Variants in MYO16 observed in about 807,000 individuals in gnomAD.
MYO16 encodes the protein unconventional myosin-XVI.
In MYO16, 94 loss-of-function variants were observed where a neutral mutation model predicts 205.3. The ratio of observed to expected loss-of-function variants is 0.46; its 90% CI spans 0.39 to 0.54. The LOEUF (loss-of-function observed/expected upper bound fraction) is 0.54, where lower values mean the gene tolerates loss of function less well. Among genes scored for constraint, MYO16 ranks in the 20% least tolerant of loss-of-function variants. MYO16 has a pLI of 0.00. For synonymous variants in MYO16, 988 were observed against 954.0 expected (o/e 1.04, Z -0.66); for missense variants, 2,315 against 2,387.5 (o/e 0.97, Z 0.63).
intron 7 of MYO16, among the ~76,000 whole-genome samples, chr13:108,807,007 T>C (rs1048487008): frequency 1.3e-5 from 2 of 152,210 alleles, no homozygotes; most frequent in African/African-American, 4.8e-5. Flanking sequence ...TATCTGAATA[T>C]TGTAGTCAAG....
At chr13:109,079,629 G>A (rs544930071) in intron 27 of MYO16, among the ~76,000 whole-genome samples, 2 of 152,060 alleles carry the variant, frequency 1.3e-5, no homozygotes, top group East Asian at 3.9e-4. Context: ...GGGCATGAGT[G>A]GAAAAACTAC....
At chr13:108,864,359 T>G (rs1445112917) in intron 11 of MYO16, among the ~76,000 whole-genome samples, 1 of 152,216 alleles carries the variant, frequency 6.6e-6, no homozygotes, top group Non-Finnish European at 1.5e-5. Context: ...ATTTGCATTT[T>G]AATTCCTTTT....
chr13:108,933,497 ATG>A (rs34277540), intron 16 of MYO16, among the ~76,000 whole-genome samples: 4,776 of 149,336 alleles, frequency 0.032, 226 homozygotes, highest in African/African-American at 0.11. Flanking sequence ...GATTATTTGG[ATG>A]TGTGTGTGTG....
intron 2 of MYO16, among the ~76,000 whole-genome samples, chr13:108,708,960 A>G (rs546149457): frequency 1.3e-5 from 2 of 152,280 alleles, no homozygotes; most frequent in East Asian, 1.9e-4. Flanking sequence ...AATTTGGAGA[A>G]TGAATGTTTC....
intron 23 of MYO16, among the ~76,000 whole-genome samples, chr13:109,039,734 A>T (rs1886823366): frequency 6.6e-6 from 1 of 152,184 alleles, no homozygotes. Context: ...CTAAATGCGT[A>T]CGTTAGAAAA....
chr13:108,669,029 C>A (rs895243878), intron 2 of MYO16, among the ~76,000 whole-genome samples: 1 of 151,792 alleles, frequency 6.6e-6, no homozygotes, highest in Non-Finnish European at 1.5e-5. Context: ...TGGCTGGAGA[C>A]GTAAATTGAA....
intron 1 of MYO16, among the ~76,000 whole-genome samples, chr13:108,641,982 A>T (rs530288952): frequency 6.6e-6 from 1 of 152,232 alleles, no homozygotes; most frequent in South Asian, 2.1e-4. Context: ...ACTGCTACTT[A>T]TGGGACCACA....
chr13:109,034,545 G>A (rs112530471), intron 23 of MYO16, among the ~76,000 whole-genome samples: 24,997 of 152,080 alleles, frequency 0.16, 2,215 homozygotes, highest in Non-Finnish European at 0.19. Context: ...GAACTGTGAG[G>A]CAATTAAGCC....
At chr13:108,575,486 C>T in the MYO16 span, among the ~76,000 whole-genome samples, 1 of 152,054 alleles carries the variant, frequency 6.6e-6, no homozygotes, top group Non-Finnish European at 1.5e-5. Flanking sequence ...GCCCCAGCAC[C>T]CATTAACTGT....
the MYO16 span, among the ~76,000 whole-genome samples, chr13:108,555,158 G>C: frequency 6.6e-6 from 1 of 152,072 alleles, no homozygotes; most frequent in Admixed American, 6.6e-5. Flanking sequence ...GTTTTATTAG[G>C]TGCTCATTGT....
At chr13:109,069,945 G>A (rs9514973) in intron 27 of MYO16, among the ~76,000 whole-genome samples, 75,644 of 151,604 alleles carry the variant, frequency 0.5, 18,868 homozygotes, top group Middle Eastern at 0.55. Context: ...TGAGAGTCCA[G>A]TGAATAAATA....
At chr13:108,702,671 T>A (rs1180134451) in intron 2 of MYO16, among the ~76,000 whole-genome samples, 3 of 152,250 alleles carry the variant, frequency 2.0e-5, no homozygotes, top group African/African-American at 7.2e-5. Context: ...GTTACTCTAA[T>A]TTTTAATTAT....
At chr13:108,897,958 C>A in intron 14 of MYO16, 58 bp from the exon 15 acceptor site, 1 of 1,302,608 alleles carries the variant, frequency 7.7e-7, no homozygotes, top group South Asian at 1.2e-5. Flanking sequence ...CGCTATTACT[C>A]ATCAATTTTA....
intron 3 of MYO16, among the ~76,000 whole-genome samples, chr13:108,718,367 G>A (rs1884030446): frequency 6.6e-6 from 1 of 151,970 alleles, no homozygotes; most frequent in Admixed American, 6.5e-5. Flanking sequence ...AGCTACAAGG[G>A]CAGACTCTAG....
chr13:108,668,531 C>T (rs1211554050), intron 2 of MYO16, among the ~76,000 whole-genome samples: 1 of 152,182 alleles, frequency 6.6e-6, no homozygotes, highest in Non-Finnish European at 1.5e-5. Flanking sequence ...GAGATGAAAA[C>T]AAGGTGTCAT....
At chr13:108,606,720 A>G (rs1289248711) in intron 1 of MYO16, among the ~76,000 whole-genome samples, 3 of 152,156 alleles carry the variant, frequency 2.0e-5, no homozygotes, top group Admixed American at 6.6e-5. Context: ...GGCACTGTCT[A>G]GTGGAGCTAT....
chr13:108,676,089 G>C (rs1277723040), intron 2 of MYO16, among the ~76,000 whole-genome samples: 1 of 152,136 alleles, frequency 6.6e-6, no homozygotes, highest in Non-Finnish European at 1.5e-5. Flanking sequence ...GCTAAATAAT[G>C]ACATTGTTAT....
intron 4 of MYO16, among the ~76,000 whole-genome samples, chr13:108,753,370 C>CAAAAAAA (rs534466420): frequency 1.5e-4 from 17 of 111,780 alleles, no homozygotes; most frequent in African/African-American, 5.0e-4. Flanking sequence ...AACTCTGTGA[C>CAAAAAAA]AAAAAAAAAA....
At chr13:108,942,522 A>T (rs957891883) in intron 16 of MYO16, among the ~76,000 whole-genome samples, 2 of 152,188 alleles carry the variant, frequency 1.3e-5, no homozygotes, top group African/African-American at 4.8e-5. Flanking sequence ...TCATATTTTA[A>T]ATATTAGTTT....
Sources: allele counts gnomAD v4.1 joint callset (sites outside exome capture counted in the v4.1 genomes callset), GRCh38; gene constraint gnomAD v4.1.1; transcripts MANE v1.5; gene names NCBI Gene and HGNC (gene_info 2026-07-23, HGNC 2026-07-21).